PLCXD1: variants seen among roughly 807,000 people sequenced by gnomAD.
The protein encoded by PLCXD1 is phosphatidylinositol specific phospholipase C X domain containing 1, also known as PI-PLC X domain-containing protein 1.
Under a neutral mutation model 37.8 loss-of-function variants are expected in PLCXD1, and 45 were observed. The observed-to-expected ratio is 1.19, with a 90% CI of 0.94 to 1.53. The LOEUF is 1.53. Among genes scored for constraint, PLCXD1 ranks in the 40% most tolerant of loss-of-function variants. The pLI is 0.00. For missense variants in PLCXD1, 539 were observed against 454.7 expected (o/e 1.19, Z -1.69); for synonymous variants, 246 against 206.9 (o/e 1.19, Z -1.62).
At chrX:290,610 C>T (rs1195762551) in intron 3 of PLCXD1, 38 bp from the exon 4 acceptor site, 11 of 1,610,924 alleles carry the variant, frequency 6.8e-6, no homozygotes, top group Non-Finnish European at 9.3e-6. Context: ...AGACGCGGCG[C>T]TCAGCCAGGC....
chrX:289,289 G>A (rs772254270), intron 3 of PLCXD1, among the ~76,000 whole-genome samples: 38 of 152,048 alleles, frequency 2.5e-4, no homozygotes, highest in Admixed American at 7.9e-4. Flanking sequence ...GGGTTTTACC[G>A]TGTTAGTCAG....
rs1223448721 is a variant in PLCXD1, at chrX:290,687, T to G, written c.304T>G (p.Tyr102Asp). The G allele has an allele frequency of 3.7e-6, 6 of 1,613,592 alleles. No homozygotes were observed. In the African/African-American group the frequency reaches 8.0e-5, roughly 22 times the overall value. ...VTEQLDAGVR[Y>D]LDLRIAHMLE... ...AGAGCAGCTGGATGCCGGGGTGCGG[T>G]ACCTGGACCTGCGGATAGCCCACAT... The change falls in exon 4 of 7, where the codon TAC (tyrosine) becomes GAC (aspartate). Residue 102 changes from tyrosine to aspartate, a missense_variant. Transcript: ENST00000381657.
Position 302,969 on chromosome X carries a change from A to C in PLCXD1, c.*3634A>C, listed in dbSNP as rs1338311858. 1 of 152,140 alleles carries C rather than the reference A, an allele frequency of 6.6e-6. No individual in the cohort carries two copies. Among genetic ancestry groups the C allele is most frequent in the Non-Finnish European group, 1.5e-5 (1 of 68,036 alleles). The allele number at this position is 152,140 out of a possible 1,614,324, so 9.4% of individuals were successfully genotyped here. On this transcript the variant is annotated 3_prime_UTR_variant, in exon 7 of 7. Coordinates refer to ENST00000381657, the MANE Select transcript of PLCXD1 (RefSeq NM_018390.4). ...GCACCATTTTTACTCCCCTTTCCCA[A>C]GCAAATCGTGCATTTTTGTCTAACG... is the stretch of plus-strand genomic sequence containing the variant.
intron 5 of PLCXD1, among the ~76,000 whole-genome samples, chrX:292,027 T>C (rs1602885110): frequency 2.7e-5 from 4 of 146,442 alleles, no homozygotes; most frequent in African/African-American, 1.0e-4. Flanking sequence ...TTAGGCTGGG[T>C]GTGGTGGCTC....
intron 3 of PLCXD1, among the ~76,000 whole-genome samples, chrX:289,191 G>A (rs904397217): frequency 1.3e-5 from 2 of 151,934 alleles, no homozygotes; most frequent in Non-Finnish European, 2.9e-5. Flanking sequence ...GGGTTCAAGC[G>A]ATTCTCCTGC....
chrX:299,036 G>A (rs970548054), intron 6 of PLCXD1, 61 bp from the exon 7 acceptor site: 7 of 1,225,514 alleles, frequency 5.7e-6, no homozygotes, highest in Admixed American at 1.7e-5. Flanking sequence ...GTGACTAGGA[G>A]GGAGAAACAG....
At chrX:293,369 A>G in intron 6 of PLCXD1, 151 bp downstream of exon 6, 1 of 645,866 alleles carries the variant, frequency 1.5e-6, no homozygotes. Context: ...TGTACCTGTA[A>G]TCCCAGCACT....
Position 284,271 on chromosome X carries a change from T to A in PLCXD1, c.84T>A (p.Cys28Ter), listed in dbSNP as rs2069373529. ...NANEDWMSALCPRLWDVPLHH... is the reference protein window; with the variant it reads ...NANEDWMSAL Reference sequence around the variant, plus strand: ...ACGAGGACTGGATGTCGGCACTGTGTCCCCGGCTCTGGGATGTGCCCCTCC... The same window carrying A: ...ACGAGGACTGGATGTCGGCACTGTGACCCCGGCTCTGGGATGTGCCCCTCC... Residue 28 changes from cysteine to a stop codon, truncating the protein, a stop_gained, in exon 2 of 7, where the codon TGT (cysteine) becomes TGA (stop). Transcript: ENST00000381657. LOFTEE classifies it high-confidence loss of function. 1 of 1,613,400 alleles carries A rather than the reference T, an allele frequency of 6.2e-7. No homozygotes were observed. Among genetic ancestry groups the A allele is most frequent in the African/African-American group, 1.3e-5 (1 of 74,910 alleles).
In PLCXD1 at chrX:300,080, G is replaced by GTC. The variant is rs1230108900; in HGVS notation, c.*751_*752dup. On this transcript the variant is annotated 3_prime_UTR_variant, in exon 7 of 7. Coordinates refer to ENST00000381657, the MANE Select transcript of PLCXD1 (RefSeq NM_018390.4). ...AAAAAAAAAAAAAAAAAAAGATGGG[G>GTC]TCTCTCTATGTTGGCCAGGTTGGTC... The GTC allele has an allele frequency of 6.6e-6, 1 of 151,452 alleles. No individual in the cohort carries two copies. The highest frequency in any genetic ancestry group is 2.4e-5 in the African/African-American group (1 of 40,908). The allele number at this position is 151,452 out of a possible 1,614,324, so 9.4% of individuals were successfully genotyped here.
upstream of PLCXD1, among the ~76,000 whole-genome samples, chrX:276,770 C>T (rs943664805): frequency 1.3e-5 from 2 of 151,714 alleles, no homozygotes; most frequent in African/African-American, 4.8e-5. Context: ...GGGGACGGGT[C>T]GGGACAGCTG....
chrX:291,384 G>A, intron 4 of PLCXD1, 115 bp from the exon 5 acceptor site: 1 of 1,126,034 alleles, frequency 8.9e-7, no homozygotes, highest in Non-Finnish European at 1.3e-6. Flanking sequence ...AACCTCAGGT[G>A]ATCCACCCGC....
intron 2 of PLCXD1, among the ~76,000 whole-genome samples, chrX:285,326 GTACACA>G (rs199685426): frequency 0.013 from 2,016 of 152,002 alleles, 48 homozygotes; most frequent in African/African-American, 0.045. Flanking sequence ...GTGCGGGTGT[GTACACA>G]TGCACATGCA....
intron 6 of PLCXD1, among the ~76,000 whole-genome samples, chrX:294,066 G>A (rs970519704): frequency 1.3e-5 from 2 of 152,090 alleles, no homozygotes; most frequent in Non-Finnish European, 2.9e-5. Flanking sequence ...GCCAGGTGCG[G>A]TGGCTCACAC....
rs1197327352 is a variant in PLCXD1, at chrX:300,708, GTATA to G, written c.*1381_*1384del. The G allele has an allele frequency of 6.6e-6, 1 of 151,758 alleles. No homozygotes were observed. The allele number at this position is 151,758 out of a possible 1,614,324, so 9.4% of individuals were successfully genotyped here. On this transcript the variant is annotated 3_prime_UTR_variant, in exon 7 of 7. Transcript: ENST00000381657. ...TGTGTATGTGTATATATATATATGT[GTATA>G]TATATATTTTTTGAGGAGTCTCACT...
rs1211911264 is a variant in PLCXD1, at chrX:300,547, T to G, written c.*1212T>G. 1 of 148,058 alleles carries G rather than the reference T, an allele frequency of 6.8e-6. No individual in the cohort carries two copies. The highest frequency in any genetic ancestry group is 2.7e-5 in the African/African-American group (1 of 37,650). 9.2% of individuals were successfully genotyped at this position (148,058 alleles called of 1,614,324 possible). ...GTATACGTGTATGCATACATGTATATGTGTATGCATGTATATGTGTATGTG... is the reference window on the plus strand; with the variant it reads ...GTATACGTGTATGCATACATGTATAGGTGTATGCATGTATATGTGTATGTG... On this transcript the variant is annotated 3_prime_UTR_variant, in exon 7 of 7. Coordinates refer to ENST00000381657, the MANE Select transcript of PLCXD1 (RefSeq NM_018390.4).
chrX:299,422 G>C lies in PLCXD1; in HGVS notation c.*87G>C. On this transcript the variant is annotated 3_prime_UTR_variant, in exon 7 of 7. Coordinates refer to ENST00000381657, the MANE Select transcript of PLCXD1 (RefSeq NM_018390.4). Reference sequence around the variant, plus strand: ...TGTGACTTTGTTTGGGCCAAATGTTGGTGATCATAGGACCGATGATAATAC... The same window carrying C: ...TGTGACTTTGTTTGGGCCAAATGTTCGTGATCATAGGACCGATGATAATAC... The C allele has an allele frequency of 1.1e-6, 1 of 930,360 alleles. No individual in the cohort carries two copies. The highest frequency in any genetic ancestry group is 1.8e-6 in the Non-Finnish European group (1 of 561,580). 57.6% of individuals were successfully genotyped at this position (930,360 alleles called of 1,614,324 possible). A position where few individuals can be genotyped will look rare whatever the true frequency, so the allele number is the denominator to read the frequency against.
At chrX:293,637 C>CG (rs1290457214) in intron 6 of PLCXD1, among the ~76,000 whole-genome samples, 1 of 152,064 alleles carries the variant, frequency 6.6e-6, no homozygotes, top group Non-Finnish European at 1.5e-5. Flanking sequence ...TGTACATTGG[C>CG]GGGGGGAGGG....
At chrX:295,272 G>A (rs778450161) in intron 6 of PLCXD1, among the ~76,000 whole-genome samples, 5 of 152,164 alleles carry the variant, frequency 3.3e-5, no homozygotes, top group East Asian at 3.9e-4. Flanking sequence ...CGGCAGCCAC[G>A]GCCCCGTGTC....
chrX:283,934 T>G (rs971301237), intron 1 of PLCXD1: 1 of 419,600 alleles, frequency 2.4e-6, no homozygotes, highest in Non-Finnish European at 4.3e-6. Context: ...CAGCCTGGAG[T>G]GCAGTGGCGG....
Sources: allele counts gnomAD v4.1 joint callset (sites outside exome capture counted in the v4.1 genomes callset), GRCh38; gene constraint gnomAD v4.1.1; transcripts MANE v1.5; gene names NCBI Gene and HGNC (gene_info 2026-07-23, HGNC 2026-07-21).